RP1L1: variants seen among roughly 807,000 people sequenced by gnomAD.
RP1L1 encodes RP1 like 1, also known as retinitis pigmentosa 1-like 1 protein.
A neutral mutation model predicts 15.7 loss-of-function variants in RP1L1; 27 were observed. The ratio of observed to expected loss-of-function variants is 1.72; its 90% confidence interval spans 1.27 to 2.38. The LOEUF is 2.38. Among genes scored for constraint, RP1L1 ranks in the 30% most tolerant of loss-of-function variants. RP1L1 has a pLI of 0.00. For missense variants in RP1L1, 4,798 were observed against 3,075.9 expected (o/e 1.56, Z -13.24); for synonymous variants, 1,813 against 1,276.7 (o/e 1.42, Z -8.96).
Position 10,612,249 on chromosome 8 carries a change from A to T in RP1L1, c.1849T>A (p.Cys617Ser). 6.2e-7 allele frequency: 1 copy of T among 1,613,238 alleles called. No homozygotes were observed. Among genetic ancestry groups the T allele is most frequent in the South Asian group, 1.1e-5 (1 of 91,090 alleles). ...TREPLVLGLS[C>S]SWDSEGASST... ...GAGGCTCCTTCCGAGTCCCAGGAGC[A>T]GGAAAGGCCCAGAACCAGAGGCTCC... Residue 617 changes from cysteine (C) to serine (S), a missense_variant, in exon 4 of 4, where the codon TGC becomes AGC. Coordinates refer to ENST00000382483, the MANE Select transcript of RP1L1 (RefSeq NM_178857.6).
Position 10,611,943 on chromosome 8 carries a change from G to T in RP1L1, c.2155C>A (p.Leu719Met), listed in dbSNP as rs1302996514. 6.2e-7 allele frequency: 1 copy of T among 1,613,904 alleles called. No individual in the cohort carries two copies. Among genetic ancestry groups the T allele is most frequent in the East Asian group, 2.2e-5 (1 of 44,882 alleles). Residue 719 changes from leucine to methionine, a missense_variant, in exon 4 of 4, where the codon CTG (leucine) becomes ATG (methionine). By Grantham distance (15) the Leu-to-Met change is conservative. Transcript: ENST00000382483. ...SSTRTQASGN[L>M]RPPSSGSLPS... ...AGAGAGCCCGAGGAGGGAGGTCTCA[G>T]GTTCCCAGAGGCCTGTGTCCTGGTG...
intron 1 of RP1L1, among the ~76,000 whole-genome samples, chr8:10,628,437 A>T (rs936175801): frequency 1.3e-5 from 2 of 152,154 alleles, no homozygotes; most frequent in Non-Finnish European, 2.9e-5. Context: ...ACACACAATT[A>T]CAAGTGCATG....
chr8:10,611,238 C>G lies in RP1L1; in HGVS notation c.2860G>C (p.Glu954Gln). The change falls in exon 4 of 4, where the codon GAG becomes CAG. Residue 954 changes from glutamate (E) to glutamine (Q), a missense_variant. Physicochemically the swap from Glu to Gln is conservative, Grantham distance 29. Transcript: ENST00000382483. ...SPSSLPRSSP[E>Q]AVVREWLDNI... The stretch of plus-strand genomic sequence containing the variant: ...TCCAGCCATTCGCGGACCACAGCCT[C>G]TGGAGACGAGCGGGGCAGAGAGCTG... 1 of 1,613,078 alleles carries G rather than the reference C, an allele frequency of 6.2e-7. No homozygotes were observed. Among genetic ancestry groups the G allele is most frequent in the Non-Finnish European group, 8.5e-7 (1 of 1,180,032 alleles).
In RP1L1 at chr8:10,654,603, C is replaced by T. The variant is rs114855082; in HGVS notation, c.-20+295G>A. ...GACTCCAGCGACTGCATTGCTCACC[C>T]TCCAGGTCCAGGTGGGAGAAACAGA... On this transcript the variant is annotated intron_variant, in intron 1 of 3. Transcript: ENST00000382483. Among the ~76,000 whole-genome samples the T allele has an allele frequency of 4.5e-3, 691 of 152,340 alleles. 1 individual carries two copies. The highest frequency in any genetic ancestry group is 0.015 in the African/African-American group (642 of 41,572).
At chr8:10,644,905 A>C (rs1798454364) in intron 1 of RP1L1, among the ~76,000 whole-genome samples, 1 of 152,226 alleles carries the variant, frequency 6.6e-6, no homozygotes, top group Non-Finnish European at 1.5e-5. Context: ...AACGGTGAAA[A>C]ATTCAGTCAC....
At chr8:10,642,408 G>T (rs959213594) in intron 1 of RP1L1, among the ~76,000 whole-genome samples, 1 of 152,176 alleles carries the variant, frequency 6.6e-6, no homozygotes, top group African/African-American at 2.4e-5. Flanking sequence ...TTGAAAGGTT[G>T]CTAAAACCCT....
intron 2 of RP1L1, among the ~76,000 whole-genome samples, chr8:10,621,932 C>G (rs1204592279): frequency 6.6e-6 from 1 of 152,214 alleles, no homozygotes; most frequent in Non-Finnish European, 1.5e-5. Flanking sequence ...CTCCAACGCC[C>G]TGTATTAAAT....
At chr8:10,618,148 G>T (rs1798000816) in intron 2 of RP1L1, among the ~76,000 whole-genome samples, 1 of 152,156 alleles carries the variant, frequency 6.6e-6, no homozygotes, top group African/African-American at 2.4e-5. Context: ...CATGCAACTA[G>T]GAGCAAATTA....
Position 10,608,574 on chromosome 8 carries a change from C to T in RP1L1, c.5524G>A (p.Gly1842Arg). 1.2e-6 allele frequency: 2 copies of T among 1,611,314 alleles called. No homozygotes were observed. The highest frequency in any genetic ancestry group is 1.7e-6 in the Non-Finnish European group (2 of 1,178,030). ...AEGIEAPEAEGEAQPESEGVE... is the reference protein window; with the variant it reads ...AEGIEAPEAEREAQPESEGVE... Reference sequence around the variant, plus strand: ...CCTTCTGACTCTGGCTGGGCCTCCCCTTCAGCCTCCGGGGCCTCTATGCCT... The same window carrying T: ...CCTTCTGACTCTGGCTGGGCCTCCCTTTCAGCCTCCGGGGCCTCTATGCCT... The change falls in exon 4 of 4, where the codon GGG becomes AGG. Residue 1842 changes from glycine (G) to arginine (R), a missense_variant. Physicochemically the swap from Gly to Arg is moderately radical, Grantham distance 125. Transcript: ENST00000382483.
In RP1L1 at chr8:10,610,055, C is replaced by T; in HGVS notation, c.4043G>A (p.Gly1348Glu). The T allele has an allele frequency of 8.0e-7, 1 of 1,246,776 alleles. No homozygotes were observed. Among genetic ancestry groups the T allele is most frequent in the Non-Finnish European group, 1.0e-6 (1 of 976,180 alleles). 77.2% of individuals were successfully genotyped at this position (1,246,776 alleles called of 1,614,324 possible). A position where few individuals can be genotyped will look rare whatever the true frequency, so the allele number is the denominator to read the frequency against. Reference protein sequence around the residue: ...LEETKETEGEGQQEEEAQLEE... With the variant: ...LEETKETEGEEQQEEEAQLEE... The stretch of plus-strand genomic sequence containing the variant: ...TAACTGCGCCTCTTCTTCTTGCTGT[C>T]CTTCTCCTTCTGTTTCTTTAGTTTC... The change falls in exon 4 of 4, where the codon GGA (glycine) becomes GAA (glutamate). Residue 1348 changes from glycine to glutamate, a missense_variant. Gly to Glu is a moderately conservative substitution (Grantham distance 98). Coordinates refer to ENST00000382483, the MANE Select transcript of RP1L1 (RefSeq NM_178857.6).
At position 10,609,615 on chromosome 8, in the gene RP1L1, G is replaced by A. The variant is rs752436391; in HGVS notation, c.4483C>T (p.Pro1495Ser). 6.2e-7 allele frequency: 1 copy of A among 1,607,146 alleles called. No individual in the cohort carries two copies. Among genetic ancestry groups the A allele is most frequent in the Non-Finnish European group, 8.5e-7 (1 of 1,179,910 alleles). Residue 1495 changes from proline (P) to serine (S), a missense_variant, in exon 4 of 4, where the codon CCC (proline) becomes TCC (serine). Coordinates refer to ENST00000382483, the MANE Select transcript of RP1L1 (RefSeq NM_178857.6). ...CTCCTCTCTGCAGCCCCCTGGGTGG[G>A]TTGGGCCTGCGTGTGCTCTTGGCCC... ...MMGQEHTQAQ[P>S]TQGAAERSSS...
rs188611184 is a variant in RP1L1, at chr8:10,646,709, C to T, written c.-20+8189G>A. 5.7e-3 allele frequency among the ~76,000 whole-genome samples: 873 copies of T among 152,268 alleles called. 3 individuals are homozygous for T. Among genetic ancestry groups the T allele is most frequent in the Non-Finnish European group, 9.6e-3 (653 of 68,010 alleles). On this transcript the variant is annotated intron_variant, in intron 1 of 3. Coordinates refer to ENST00000382483, the MANE Select transcript of RP1L1 (RefSeq NM_178857.6). ...ACACCCACGGGTGGCACACAAGCAC[C>T]GAGGACAGCTGTAAACCAGCTCAAC...
At position 10,612,571 on chromosome 8, in the gene RP1L1, T is replaced by C. The variant is rs1280726564; in HGVS notation, c.1527A>G (p.Gly509=). The C allele has an allele frequency of 3.1e-6, 5 of 1,606,726 alleles. No individual in the cohort carries two copies. Among genetic ancestry groups the C allele is most frequent in the Non-Finnish European group, 4.2e-6 (5 of 1,179,544 alleles). ...LGEDPGLCID[G]AGLGGPEQGG... ...CTTGCTCTGGGCCGCCCAGCCCTGC[T>C]CCATCTATGCATAGGCCGGGGTCCT... is the stretch of plus-strand genomic sequence containing the variant. Residue 509 remains glycine, a synonymous_variant, in exon 4 of 4, where the codon GGA becomes GGG. Transcript: ENST00000382483.
intron 1 of RP1L1, among the ~76,000 whole-genome samples, chr8:10,630,312 T>C (rs964080230): frequency 6.6e-6 from 1 of 152,220 alleles, no homozygotes; most frequent in Admixed American, 6.5e-5. Context: ...GTTGGCCTCA[T>C]GTGAGGTTGA....
intron 1 of RP1L1, among the ~76,000 whole-genome samples, chr8:10,650,372 G>A (rs780854563): frequency 1.3e-5 from 2 of 152,072 alleles, no homozygotes; most frequent in African/African-American, 2.4e-5. Context: ...ATACAGCTTC[G>A]ACCAAAGGGG....
rs760358370 is a variant in RP1L1, at chr8:10,607,709, T to G, written c.6389A>C (p.Glu2130Ala). 4 of 1,607,214 alleles carry G rather than the reference T, an allele frequency of 2.5e-6. No homozygotes were observed. Among genetic ancestry groups the G allele is most frequent in the Non-Finnish European group, 3.4e-6 (4 of 1,177,816 alleles). The change falls in exon 4 of 4, where the codon GAA (glutamate) becomes GCA (alanine). Residue 2130 changes from glutamate to alanine, a missense_variant. Physicochemically the swap from Glu to Ala is moderately radical, Grantham distance 107 (BLOSUM62 -1). Coordinates refer to ENST00000382483, the MANE Select transcript of RP1L1 (RefSeq NM_178857.6). ...ETEGEAQPES[E>A]GIEAPEAEGE... The stretch of plus-strand genomic sequence containing the variant: ...TTCAGCCTCTGGGGCCTCTATACCT[T>G]CTGACTCTGGCTGGGCCTCCCCTTC...
chr8:10,612,566 C>G lies in RP1L1; in HGVS notation c.1532G>C (p.Gly511Ala). 3.7e-6 allele frequency: 6 copies of G among 1,607,210 alleles called. No homozygotes were observed. Among genetic ancestry groups the G allele is most frequent in the Non-Finnish European group, 4.2e-6 (5 of 1,179,586 alleles). The change falls in exon 4 of 4, where the codon GGG (glycine) becomes GCG (alanine). Residue 511 changes from glycine to alanine, a missense_variant. Coordinates refer to ENST00000382483, the MANE Select transcript of RP1L1 (RefSeq NM_178857.6). Reference protein sequence around the residue: ...EDPGLCIDGAGLGGPEQGGRL... With the variant: ...EDPGLCIDGAALGGPEQGGRL... ...GCCGCCTTGCTCTGGGCCGCCCAGC[C>G]CTGCTCCATCTATGCATAGGCCGGG...
intron 1 of RP1L1, among the ~76,000 whole-genome samples, chr8:10,646,084 T>A (rs1032940573): frequency 6.6e-5 from 10 of 152,034 alleles, no homozygotes; most frequent in Non-Finnish European, 1.2e-4. Context: ...GAGTCTAAGC[T>A]GGGGGGACAG....
rs1798090582 is a variant in RP1L1 at position 10,622,931 on chromosome 8, T to C, written c.271A>G (p.Ser91Gly). Residue 91 changes from serine to glycine, a missense_variant, in exon 2 of 4, where the codon AGC becomes GGC. Ser to Gly is a moderately conservative substitution (Grantham distance 56). Transcript: ENST00000382483. ...CCATCTTCCAGCTGCTCCAGGGCGC[T>C]GAGGCTATGCAGGCCCCGGGGTGTG... ...VTTPRGLHSL[S>G]ALEQLEDGGC... 6.2e-7 allele frequency: 1 copy of C among 1,613,904 alleles called. No individual in the cohort carries two copies. The highest frequency in any genetic ancestry group is 1.7e-5 in the Admixed American group (1 of 59,998).
Sources: gnomAD v4.1 joint callset for allele counts (sites outside exome capture counted in the v4.1 genomes callset) on GRCh38, gnomAD v4.1.1 for gene constraint, MANE v1.5 for transcripts, NCBI Gene and HGNC (gene_info 2026-07-23, HGNC 2026-07-21) for gene names.